Variants in CNTFR observed in about 807,000 individuals in gnomAD.
CNTFR encodes ciliary neurotrophic factor receptor subunit alpha.
CNTFR carries 12 observed loss-of-function variants against 40.4 expected under a neutral mutation model. The observed-to-expected ratio is 0.30, with a 90% CI of 0.19 to 0.48. The LOEUF (loss-of-function observed/expected upper bound fraction) is 0.48. CNTFR is among the 20% of genes least tolerant of loss of function. The probability of loss-of-function intolerance (pLI) is 0.99; values close to 1 mark genes in which losing one functional copy is unlikely to be tolerated. For synonymous variants in CNTFR, 202 were observed against 209.6 expected, an observed-to-expected ratio of 0.96 and a Z score of 0.31; for missense variants, 414 against 506.8, an observed-to-expected ratio of 0.82 and a Z score of 1.76.
intron 4 of CNTFR, among the ~76,000 whole-genome samples, chr9:34,560,903 G>A (rs1016115193): frequency 2.0e-5 from 3 of 152,206 alleles, no homozygotes; most frequent in Non-Finnish European, 2.9e-5. Context: ...CCACCAAACC[G>A]CATGTTTTTC....
At chr9:34,590,348 G>C (rs1389920924), upstream of CNTFR, among the ~76,000 whole-genome samples, 2 of 152,150 alleles carry the variant, frequency 1.3e-5, no homozygotes, top group African/African-American at 2.4e-5. Context: ...CACACCCCGG[G>C]CCAACTCTCG....
At position 34,552,831 on chromosome 9, in the gene CNTFR, T is replaced by C; in HGVS notation, c.792A>G (p.Ala264=). Reference sequence around the variant, plus strand: ...CGGCGTAGGCATCTGTGATGGTGTGTGCTGTGCCGTCGGACAGCTCCACCT... The same window carrying C: ...CGGCGTAGGCATCTGTGATGGTGTGCGCTGTGCCGTCGGACAGCTCCACCT... ...WQHVELSDGT[A]HTITDAYAGK... Residue 264 remains alanine (A), a synonymous_variant, in exon 8 of 10, where the codon GCA becomes GCG. Coordinates refer to ENST00000378980, the MANE Select transcript of CNTFR (RefSeq NM_147164.3). This position sits in a 1 kb window ranked among gnomAD's most constrained non-coding sequence, Gnocchi z 5.1. The C allele has an allele frequency of 6.2e-7, 1 of 1,612,714 alleles. No homozygotes were observed. Among genetic ancestry groups the C allele is most frequent in the Non-Finnish European group, 8.5e-7 (1 of 1,179,844 alleles).
chr9:34,576,514 G>A (rs1277280724), intron 2 of CNTFR, among the ~76,000 whole-genome samples: 1 of 152,220 alleles, frequency 6.6e-6, no homozygotes, highest in Non-Finnish European at 1.5e-5. Context: ...CCGTGCCTGA[G>A]GGGAGGGACA....
At chr9:34,587,689 C>G (rs12553479) in intron 1 of CNTFR, among the ~76,000 whole-genome samples, 3 of 152,062 alleles carry the variant, frequency 2.0e-5, no homozygotes, top group African/African-American at 7.2e-5. Context: ...GTTCCCCATG[C>G]GAGTCTGACT....
chr9:34,564,693 C>G lies in CNTFR; in HGVS notation c.225G>C (p.Val75=), dbSNP rs767051489. The part of the protein sequence containing the change: ...APDLLNGSQL[V]LHGLELGHSG... ...TGTGGCCCAGTTCCAGGCCATGGAGCACCAGCTGAGAGCCGTTGAGCAGGT... is the reference window on the plus strand; with the variant it reads ...TGTGGCCCAGTTCCAGGCCATGGAGGACCAGCTGAGAGCCGTTGAGCAGGT... The change falls in exon 4 of 10, where the codon GTG becomes GTC. Residue 75 remains valine, a synonymous_variant. Transcript: ENST00000378980. 1 of 1,614,024 alleles carries G rather than the reference C, an allele frequency of 6.2e-7. No individual in the cohort carries two copies. The highest frequency in any genetic ancestry group is 1.7e-5 in the Admixed American group (1 of 60,016).
intron 7 of CNTFR, among the ~76,000 whole-genome samples, chr9:34,554,604 G>A (rs935806444): frequency 6.6e-6 from 1 of 152,198 alleles, no homozygotes; most frequent in Non-Finnish European, 1.5e-5. Context: ...CCAGGCCATC[G>A]CAGGAGCTGC....
In CNTFR at chr9:34,552,819, T is replaced by A. The variant is rs1825692832; in HGVS notation, c.804A>T (p.Thr268=). ...TGTACTCCTTCCCGGCGTAGGCATC[T>A]GTGATGGTGTGTGCTGTGCCGTCGG... is the stretch of plus-strand genomic sequence containing the variant. ...ELSDGTAHTI[T]DAYAGKEYII... The change falls in exon 8 of 10, where the codon ACA becomes ACT. Residue 268 remains threonine, a synonymous_variant. Transcript: ENST00000378980. This position sits in a 1 kb window ranked among gnomAD's most constrained non-coding sequence, Gnocchi z 5.1. 1 of 1,613,292 alleles carries A rather than the reference T, an allele frequency of 6.2e-7. No homozygotes were observed. Among genetic ancestry groups the A allele is most frequent in the Non-Finnish European group, 8.5e-7 (1 of 1,179,928 alleles).
chr9:34,585,581 C>T (rs1055413909), intron 1 of CNTFR, among the ~76,000 whole-genome samples: 3 of 152,202 alleles, frequency 2.0e-5, no homozygotes, highest in South Asian at 2.1e-4. Flanking sequence ...GACCCCCAAC[C>T]GGGCACAGCT....
At chr9:34,562,830 T>C (rs1254705983) in intron 4 of CNTFR, among the ~76,000 whole-genome samples, 1 of 152,144 alleles carries the variant, frequency 6.6e-6, no homozygotes, top group African/African-American at 2.4e-5. Flanking sequence ...GCAATGGTGA[T>C]GGCCTTGTCA....
Position 34,568,958 on chromosome 9 carries a change from G to A in CNTFR, c.24C>T (p.Ala8=). 1 of 1,599,726 alleles carries A rather than the reference G, an allele frequency of 6.3e-7. No homozygotes were observed. The highest frequency in any genetic ancestry group is 1.7e-5 in the Admixed American group (1 of 58,308). The change falls in exon 3 of 10, where the codon GCC becomes GCT. Residue 8 remains alanine (A), a synonymous_variant. Coordinates refer to ENST00000378980, the MANE Select transcript of CNTFR (RefSeq NM_147164.3). MAAPVPW[A]CCAVLAAAAA... is the part of the protein sequence containing the mutation. ...CGGCGGCGGCAAGCACAGCACAGCA[G>A]GCCCACGGGACAGGAGCAGCCATCT...
chr9:34,573,005 C>T (rs1204502363), intron 2 of CNTFR, among the ~76,000 whole-genome samples: 2 of 152,192 alleles, frequency 1.3e-5, no homozygotes, highest in African/African-American at 4.8e-5. Flanking sequence ...GCAATACTGG[C>T]AGCCCTGAAG....
At chr9:34,559,993 T>C (rs1196949257) in intron 4 of CNTFR, among the ~76,000 whole-genome samples, 3 of 151,190 alleles carry the variant, frequency 2.0e-5, no homozygotes, top group Non-Finnish European at 4.4e-5. Flanking sequence ...GGGGTGGGGG[T>C]TGGGGGGCTG....
chr9:34,588,013 G>A lies in CNTFR; in HGVS notation c.-112+1542C>T, dbSNP rs7868267. 1.8e-3 allele frequency among the ~76,000 whole-genome samples: 268 copies of A among 152,264 alleles called. 1 individual carries two copies. Among genetic ancestry groups the A allele is most frequent in the African/African-American group, 6.1e-3 (255 of 41,540 alleles). On this transcript the variant is annotated intron_variant, in intron 1 of 9. Transcript: ENST00000378980. ...CCCCTAGACCCTAGAAGGAGCTGAA[G>A]TGTCCCAGTGTGCATCTGAGTATGG...
chr9:34,568,437 G>A (rs1826411127), intron 3 of CNTFR, among the ~76,000 whole-genome samples: 1 of 152,116 alleles, frequency 6.6e-6, no homozygotes, highest in Non-Finnish European at 1.5e-5. Context: ...ATGTTAGCCT[G>A]TCCCTTCGTC....
intron 7 of CNTFR, among the ~76,000 whole-genome samples, chr9:34,555,720 C>T (rs1354689286): frequency 6.6e-6 from 1 of 152,248 alleles, no homozygotes; most frequent in East Asian, 1.9e-4. Flanking sequence ...CTTGACCCCA[C>T]TGCCTGATCC....
At chr9:34,586,697 C>T (rs978323459) in intron 1 of CNTFR, among the ~76,000 whole-genome samples, 10 of 152,172 alleles carry the variant, frequency 6.6e-5, no homozygotes, top group African/African-American at 2.4e-4. Flanking sequence ...TACCAACAAT[C>T]CACTCAGATC....
chr9:34,552,703 C>A lies in CNTFR; in HGVS notation c.920G>T (p.Arg307Leu), dbSNP rs767149963. The A allele has an allele frequency of 4.3e-6, 7 of 1,613,544 alleles. No homozygotes were observed. In the African/African-American group the frequency reaches 8.0e-5, roughly 18 times the overall value. ...AHATPWTEEP[R>L]HLTTEAQAAE... The stretch of plus-strand genomic sequence containing the variant: ...AGCCTGGGCCTCCGTGGTGAGGTGT[C>A]GCGGTTCCTCAGTCCAGGGCGTAGC... Residue 307 changes from arginine (R) to leucine (L), a missense_variant, in exon 8 of 10, where the codon CGA (arginine) becomes CTA (leucine). By Grantham distance (102) the Arg-to-Leu change is moderately radical. This residue lies in a region of CNTFR where 81 missense variants were observed against 92.2 expected (regional missense o/e 0.88). Transcript: ENST00000378980. The surrounding 1 kb of genome is among the most constrained non-coding windows in gnomAD (Gnocchi z 5.1).
chr9:34,582,352 C>G (rs1010741176), intron 1 of CNTFR: 3 of 150,594 alleles, frequency 2.0e-5, no homozygotes, highest in Admixed American at 1.3e-4. Context: ...AACTGAGGCT[C>G]AGAGAGCAGA....
chr9:34,587,380 A>G (rs1220370521), intron 1 of CNTFR, among the ~76,000 whole-genome samples: 1 of 152,152 alleles, frequency 6.6e-6, no homozygotes, highest in Non-Finnish European at 1.5e-5. Flanking sequence ...TCAGAATCCT[A>G]CTGTGAGTCT....
Sources: gnomAD v4.1 joint callset for allele counts (sites outside exome capture counted in the v4.1 genomes callset) on GRCh38, gnomAD v4.1.1 for gene constraint, gnomAD v4.1.1 regional missense constraint, Gnocchi (gnomAD v3.1) non-coding constraint, MANE v1.5 for transcripts, NCBI Gene and HGNC (gene_info 2026-07-23, HGNC 2026-07-21) for gene names.